The following KY variants were observed in gnomAD, a reference collection of about 807,000 sequenced individuals.
The protein encoded by KY is kyphoscoliosis peptidase.
In KY, 43 loss-of-function variants were observed where a neutral mutation model predicts 76.1. The ratio of observed to expected loss-of-function variants is 0.57; its 90% confidence interval spans 0.44 to 0.73. The LOEUF (loss-of-function observed/expected upper bound fraction) is 0.73. Among genes scored for constraint, KY ranks in the 30% least tolerant of loss-of-function variants. The pLI is 0.00. For missense variants in KY, 722 were observed against 828.9 expected (o/e 0.87, Z 1.58); for synonymous variants, 277 against 326.2 (o/e 0.85, Z 1.63).
Position 134,610,267 on chromosome 3 carries a change from C to T in KY, c.827G>A (p.Gly276Glu). 1.2e-6 allele frequency: 2 copies of T among 1,613,974 alleles called. No individual in the cohort carries two copies. Among genetic ancestry groups the T allele is most frequent in the Non-Finnish European group, 1.7e-6 (2 of 1,179,890 alleles). ...DHAWNAVYLE[G>E]RWHLVDSTWG... ...GGTGCTGTCCACCAGGTGCCATCTT[C>T]CCTCCAGGTACACAGCATTCCAGGC... The change falls in exon 9 of 11, where the codon GGA (glycine) becomes GAA (glutamate). Residue 276 changes from glycine to glutamate, a missense_variant. Gly to Glu is a moderately conservative substitution (Grantham distance 98). Coordinates refer to ENST00000423778, the MANE Select transcript of KY (RefSeq NM_178554.6).
In KY at chr3:134,602,412, G is replaced by T. The variant is rs181048761; in HGVS notation, c.*1167C>A. ...CCCATGCAAGGTGAGACTGGAGGGG[G>T]CTGTCTTCTCAGAGAAGGGAGGAAA... On this transcript the variant is annotated 3_prime_UTR_variant, in exon 11 of 11. Coordinates refer to ENST00000423778, the MANE Select transcript of KY (RefSeq NM_178554.6). Among the ~76,000 whole-genome samples the T allele has an allele frequency of 3.9e-5, 6 of 152,300 alleles. No homozygotes were observed. The highest frequency in any genetic ancestry group is 3.3e-4 in the Admixed American group (5 of 15,308).
At chr3:134,626,708 C>T (rs1963499422) in intron 5 of KY, among the ~76,000 whole-genome samples, 1 of 152,198 alleles carries the variant, frequency 6.6e-6, no homozygotes, top group Non-Finnish European at 1.5e-5. Context: ...TCTTCTGGGC[C>T]AGCATGGTTT....
chr3:134,620,816 C>G lies in KY; in HGVS notation c.525G>C (p.Leu175=). Residue 175 remains leucine, a synonymous_variant, in exon 7 of 11, where the codon CTG becomes CTC. Coordinates refer to ENST00000423778, the MANE Select transcript of KY (RefSeq NM_178554.6). ...CCAGGTCAGTGTGGGCCTCCTGGAG[C>G]AGGTCACTCACCAGTTCGTCTAGGC... ...KSGLDELVSD[L]LQEAHTDLER... 6.2e-7 allele frequency: 1 copy of G among 1,613,412 alleles called. No individual in the cohort carries two copies. Among genetic ancestry groups the G allele is most frequent in the Non-Finnish European group, 8.5e-7 (1 of 1,179,658 alleles).
chr3:134,622,326 A>G (rs1307574221), intron 6 of KY, among the ~76,000 whole-genome samples: 1 of 152,280 alleles, frequency 6.6e-6, no homozygotes, highest in East Asian at 1.9e-4. Context: ...CCATGAATGA[A>G]AGGATAAATA....
At chr3:134,612,696 T>A (rs1960707879) in intron 8 of KY, among the ~76,000 whole-genome samples, 1 of 151,544 alleles carries the variant, frequency 6.6e-6, no homozygotes, top group Admixed American at 6.6e-5. Flanking sequence ...CCTGACACGA[T>A]GTGAACTGAC....
intron 2 of KY, 59 bp downstream of exon 2, chr3:134,647,376 C>T: frequency 7.6e-7 from 1 of 1,314,406 alleles, no homozygotes; most frequent in South Asian, 1.3e-5. Context: ...AAACCCAATT[C>T]TTCCAGTTAT....
intron 2 of KY, among the ~76,000 whole-genome samples, chr3:134,643,955 C>T (rs1966106338): frequency 6.6e-6 from 1 of 151,970 alleles, no homozygotes; most frequent in Non-Finnish European, 1.5e-5. Context: ...ACCTCCGGAG[C>T]AGCTGGGACT....
chr3:134,625,614 A>G (rs1398222542), intron 5 of KY, among the ~76,000 whole-genome samples: 2 of 152,224 alleles, frequency 1.3e-5, no homozygotes, highest in Admixed American at 1.3e-4. Context: ...TGGAGGTGCC[A>G]AAGGACACCT....
intron 6 of KY, among the ~76,000 whole-genome samples, chr3:134,621,919 T>C (rs1416117723): frequency 3.3e-5 from 5 of 152,000 alleles, no homozygotes; most frequent in Non-Finnish European, 5.9e-5. Flanking sequence ...AACAGATATT[T>C]CTCTAAAGAA....
chr3:134,646,741 C>T (rs1411890508), intron 2 of KY, among the ~76,000 whole-genome samples: 2 of 152,114 alleles, frequency 1.3e-5, no homozygotes, highest in African/African-American at 2.4e-5. Flanking sequence ...CACATAGCTG[C>T]GGGCTGATGG....
At chr3:134,639,043 C>T (rs931971345) in intron 3 of KY, among the ~76,000 whole-genome samples, 17 of 31,926 alleles carry the variant, frequency 5.3e-4, no homozygotes, top group African/African-American at 1.8e-3. Context: ...GGCACATTTA[C>T]AGCCTTTTTT....
At chr3:134,630,403 G>GT (rs34049800) in intron 3 of KY, among the ~76,000 whole-genome samples, 50,210 of 152,092 alleles carry the variant, frequency 0.33, 8,619 homozygotes, top group African/African-American at 0.37. Context: ...AATATTTACT[G>GT]TTTTTTCTCT....
rs751028821 is a variant in KY at position 134,608,736 on chromosome 3, G to A, written c.1003C>T (p.Gln335Ter). The A allele has an allele frequency of 1.4e-5, 22 of 1,614,068 alleles. No individual in the cohort carries two copies. Among genetic ancestry groups the A allele is most frequent in the Non-Finnish European group, 1.9e-5 (22 of 1,179,902 alleles). ...QLLKPPQSLRQFENNMYHKSE... is the reference protein window; with the variant it reads ...QLLKPPQSLR ...TTGTGATACATGTTGTTCTCAAACT[G>A]CCTCAGAGATTGAGGAGGTTTTAGC... Residue 335 changes from glutamine (Q) to a stop codon, truncating the protein, a stop_gained, in exon 10 of 11, where the codon CAG becomes TAG. Transcript: ENST00000423778. LOFTEE classifies it high-confidence loss of function.
chr3:134,618,833 C>T (rs1332114026), intron 8 of KY, among the ~76,000 whole-genome samples: 2 of 152,212 alleles, frequency 1.3e-5, no homozygotes. Flanking sequence ...CTCCCGCTCC[C>T]AGGCCTGCCA....
intron 8 of KY, among the ~76,000 whole-genome samples, chr3:134,615,672 G>A (rs981786115): frequency 1.9e-4 from 29 of 150,188 alleles, no homozygotes; most frequent in Non-Finnish European, 4.1e-4. Context: ...TAAGGGTGGG[G>A]GAGCTAAGAT....
In KY at chr3:134,604,016, G is replaced by A. The variant is rs764468560; in HGVS notation, c.1549C>T (p.Arg517Trp). The A allele has an allele frequency of 1.5e-5, 24 of 1,613,968 alleles. No homozygotes were observed. Among genetic ancestry groups the A allele is most frequent in the South Asian group, 6.6e-5 (6 of 91,080 alleles). ...ACTTTCAGCTCGGTCTGCTTCTCCC[G>A]GTGCAGCTGGAAGATGTAGCGCCGC... Reference protein sequence around the residue: ...TQRRYIFQLHREKQTELKVQL... With the variant: ...TQRRYIFQLHWEKQTELKVQL... Residue 517 changes from arginine to tryptophan, a missense_variant, in exon 11 of 11, where the codon CGG (arginine) becomes TGG (tryptophan). Around this residue, in one of 2 missense-constraint regions of KY, gnomAD observed 552 missense variants for 680.9 expected, o/e 0.81. Coordinates refer to ENST00000423778, the MANE Select transcript of KY (RefSeq NM_178554.6).
chr3:134,622,793 A>G lies in KY; in HGVS notation c.484-1936T>C, dbSNP rs193039453. Among the ~76,000 whole-genome samples, 234 of 152,318 alleles carry G rather than the reference A, an allele frequency of 1.5e-3. 1 individual carries two copies. The highest frequency in any genetic ancestry group is 5.4e-3 in the African/African-American group (225 of 41,584). ...CTCTGACCATGTTTAATCTCTGTAG[A>G]GAAGCTGGGCCACTAGGTCCTGCAA... On this transcript the variant is annotated intron_variant, in intron 6 of 10. Transcript: ENST00000423778.
intron 4 of KY, chr3:134,628,081 T>A: frequency 1.9e-6 from 1 of 537,266 alleles, no homozygotes; most frequent in Middle Eastern, 2.8e-4. Context: ...TAGTATTTGC[T>A]CTGACCTAAC....
At chr3:134,634,739 G>A (rs534109499) in intron 3 of KY, among the ~76,000 whole-genome samples, 24 of 152,270 alleles carry the variant, frequency 1.6e-4, no homozygotes, top group African/African-American at 5.8e-4. Flanking sequence ...TTCATGGAAT[G>A]CAAAACTCGC....
Sources: gnomAD v4.1 joint callset for allele counts (sites outside exome capture counted in the v4.1 genomes callset) on GRCh38, gnomAD v4.1.1 for gene constraint, gnomAD v4.1.1 regional missense constraint, MANE v1.5 for transcripts, NCBI Gene and HGNC (gene_info 2026-07-23, HGNC 2026-07-21) for gene names.